The following NTM variants were observed in gnomAD, a reference collection of about 807,000 sequenced individuals.
NTM encodes neurotrimin.
Under a neutral mutation model 42.1 loss-of-function variants are expected in NTM, and 13 were observed. The observed-to-expected ratio is 0.31, with a 90% CI of 0.20 to 0.49. NTM has a LOEUF of 0.49. Ranked by LOEUF, NTM falls within the 20% of genes least tolerant of loss-of-function variation. NTM has a pLI of 0.99. For missense variants in NTM, 373 were observed against 452.8 expected (o/e 0.82, Z 1.60); for synonymous variants, 187 against 179.2 (o/e 1.04, Z -0.35).
chr11:132,052,466 C>A (rs1002582709), intron 2 of NTM, among the ~76,000 whole-genome samples: 1 of 152,144 alleles, frequency 6.6e-6, no homozygotes, highest in Non-Finnish European at 1.5e-5. Context: ...CTGTCAACAG[C>A]CCCCAGCTCT....
At chr11:131,628,275 T>C (rs923519731) in intron 1 of NTM, among the ~76,000 whole-genome samples, 1 of 152,244 alleles carries the variant, frequency 6.6e-6, no homozygotes, top group African/African-American at 2.4e-5. Context: ...CTCCCAGTAA[T>C]TAATTAACTT....
At chr11:132,005,990 C>T (rs1481552614) in intron 2 of NTM, among the ~76,000 whole-genome samples, 1 of 152,162 alleles carries the variant, frequency 6.6e-6, no homozygotes, top group African/African-American at 2.4e-5. Context: ...TTCCCTGTGG[C>T]CCATTCATGT....
intron 3 of NTM, among the ~76,000 whole-genome samples, chr11:132,198,951 C>G (rs1171951666): frequency 1.3e-5 from 2 of 152,150 alleles, no homozygotes; most frequent in African/African-American, 2.4e-5. Flanking sequence ...TTAGCTAGGA[C>G]TAAATGATCA....
chr11:131,550,742 G>A (rs1418642342), intron 1 of NTM, among the ~76,000 whole-genome samples: 3 of 152,128 alleles, frequency 2.0e-5, no homozygotes, highest in Non-Finnish European at 2.9e-5. Flanking sequence ...AGGCTGAGAT[G>A]AGACGATCCT....
In NTM at chr11:131,754,874, A is replaced by T. The variant is rs546122618; in HGVS notation, c.83-156690A>T. Among the ~76,000 whole-genome samples the T allele has an allele frequency of 1.4e-4, 22 of 152,344 alleles. No individual in the cohort carries two copies. In the South Asian group the frequency reaches 3.3e-3, roughly 23 times the overall value. On this transcript the variant is annotated intron_variant, in intron 1 of 8. Transcript: ENST00000683400. Reference sequence around the variant, plus strand: ...CAGTAAAAAGGAATGCGCTATTGATACAAGCAACAATGTAGATGAACTCAC... The same window carrying T: ...CAGTAAAAAGGAATGCGCTATTGATTCAAGCAACAATGTAGATGAACTCAC...
At chr11:132,089,065 A>T (rs1318039232) in intron 2 of NTM, among the ~76,000 whole-genome samples, 14 of 152,150 alleles carry the variant, frequency 9.2e-5, no homozygotes, top group Admixed American at 6.5e-4. Flanking sequence ...GTAGAGAAAG[A>T]CTTTCTGGTG....
intron 7 of NTM, among the ~76,000 whole-genome samples, chr11:132,327,315 G>C (rs2095704362): frequency 6.6e-6 from 1 of 152,188 alleles, no homozygotes; most frequent in Non-Finnish European, 1.5e-5. Context: ...GGTAAAGGTT[G>C]ACTGATTAAT....
intron 2 of NTM, among the ~76,000 whole-genome samples, chr11:132,129,408 G>T (rs959401862): frequency 3.3e-5 from 5 of 152,172 alleles, no homozygotes; most frequent in African/African-American, 9.7e-5. Flanking sequence ...GATCCCAGGA[G>T]CCCTGAGTTG....
At chr11:131,821,311 C>T (rs1397115240) in intron 1 of NTM, among the ~76,000 whole-genome samples, 4 of 152,176 alleles carry the variant, frequency 2.6e-5, no homozygotes, top group African/African-American at 7.2e-5. Flanking sequence ...CAGGTGAGAT[C>T]CTTAGTCATG....
intron 2 of NTM, among the ~76,000 whole-genome samples, chr11:132,101,505 T>C (rs1038089601): frequency 2.0e-5 from 3 of 152,056 alleles, no homozygotes; most frequent in Non-Finnish European, 4.4e-5. Context: ...ACCCCTTCTG[T>C]AATGTTGTCA....
chr11:131,990,390 A>G (rs2066810834), intron 2 of NTM, among the ~76,000 whole-genome samples: 1 of 152,120 alleles, frequency 6.6e-6, no homozygotes, highest in Admixed American at 6.6e-5. Context: ...TAAATATTTC[A>G]TATTCTTTTA....
intron 1 of NTM, among the ~76,000 whole-genome samples, chr11:131,599,386 A>ATGCCCCGTCTACCCAGTCTCCG (rs1565688155): frequency 8.3e-6 from 1 of 121,150 alleles, no homozygotes; most frequent in African/African-American, 2.5e-5. Context: ...TCTCCGGCAG[A>ATGCCCCGTCTACCCAGTCTCCG]GCTAGTCACA....
intron 7 of NTM, among the ~76,000 whole-genome samples, chr11:132,320,712 C>G (rs1221247338): frequency 7.2e-5 from 11 of 152,004 alleles, no homozygotes; most frequent in Non-Finnish European, 1.3e-4. Context: ...TAGGCTCCAC[C>G]TCTGGGGGCA....
At chr11:131,415,507 A>AC (rs2135785748) in intron 1 of NTM, among the ~76,000 whole-genome samples, 1 of 152,318 alleles carries the variant, frequency 6.6e-6, no homozygotes, top group Admixed American at 6.5e-5. Context: ...AAACAAAATA[A>AC]CCCTAAATCA....
chr11:131,819,879 G>C (rs1377477434), intron 1 of NTM, among the ~76,000 whole-genome samples: 1 of 152,210 alleles, frequency 6.6e-6, no homozygotes, highest in African/African-American at 2.4e-5. Flanking sequence ...TGGTATGGAT[G>C]CTGCTGTGGA....
intron 1 of NTM, among the ~76,000 whole-genome samples, chr11:131,525,088 G>T (rs1176696616): frequency 6.6e-6 from 1 of 151,992 alleles, no homozygotes; most frequent in Non-Finnish European, 1.5e-5. Context: ...TTCTCAGGGG[G>T]CGGGTATTGC....
At chr11:131,803,302 GTT>G (rs5795742) in intron 1 of NTM, among the ~76,000 whole-genome samples, 9 of 147,284 alleles carry the variant, frequency 6.1e-5, no homozygotes, top group African/African-American at 2.2e-4. Flanking sequence ...TTGGGAGTGG[GTT>G]TTTTTTTTTC....
chr11:132,056,235 G>A (rs1250750799), intron 2 of NTM, among the ~76,000 whole-genome samples: 2 of 152,150 alleles, frequency 1.3e-5, no homozygotes, highest in Admixed American at 1.3e-4. Flanking sequence ...GATTTAAAAA[G>A]GGAAGAGAGA....
intron 4 of NTM, among the ~76,000 whole-genome samples, chr11:132,304,128 C>T (rs980128270): frequency 3.3e-5 from 5 of 152,036 alleles, no homozygotes; most frequent in African/African-American, 1.2e-4. Flanking sequence ...TTGTGGAGGG[C>T]TTTGATAATA....
Sources: allele counts gnomAD v4.1 joint callset (sites outside exome capture counted in the v4.1 genomes callset), GRCh38; gene constraint gnomAD v4.1.1; transcripts MANE v1.5; gene names NCBI Gene and HGNC (gene_info 2026-07-23, HGNC 2026-07-21).